Variants in RCOR1 observed in about 807,000 individuals in gnomAD.
RCOR1 encodes the protein REST corepressor 1.
Under a neutral mutation model 64.0 loss-of-function variants are expected in RCOR1, and 12 were observed. The observed-to-expected ratio is 0.19, with a 90% confidence interval of 0.12 to 0.30. RCOR1 has a LOEUF of 0.30. Ranked by LOEUF, RCOR1 falls within the 10% of genes least tolerant of loss-of-function variation. The pLI is 1.00. For synonymous variants in RCOR1, 279 were observed against 227.2 expected (o/e 1.23, Z -2.05); for missense variants, 502 against 621.2 (o/e 0.81, Z 2.04).
chr14:102,640,901 A>AG (rs1372510084), intron 2 of RCOR1, among the ~76,000 whole-genome samples: 1 of 152,138 alleles, frequency 6.6e-6, no homozygotes, highest in Non-Finnish European at 1.5e-5. Context: ...TTGAGGCTGC[A>AG]GTGAACTGCC....
At chr14:102,654,036 A>G (rs1410353233) in intron 2 of RCOR1, among the ~76,000 whole-genome samples, 1 of 125,968 alleles carries the variant, frequency 7.9e-6, no homozygotes, top group Non-Finnish European at 1.6e-5. Context: ...CCCAGGCCGG[A>G]GTGCAGTGGT....
chr14:102,597,989 ATTTTGTATT>A (rs1893300187), intron 2 of RCOR1, among the ~76,000 whole-genome samples: 2 of 151,824 alleles, frequency 1.3e-5, no homozygotes, highest in Non-Finnish European at 2.9e-5. Flanking sequence ...CACCCAGCTA[ATTTTGTATT>A]TTTAGTAGGG....
chr14:102,594,901 C>T (rs1048358059), intron 2 of RCOR1, among the ~76,000 whole-genome samples: 35 of 152,224 alleles, frequency 2.3e-4, no homozygotes, highest in Non-Finnish European at 4.9e-4. Flanking sequence ...TTTTAAAAAT[C>T]GACTTCCACA....
chr14:102,675,047 CA>C (rs761294133), intron 2 of RCOR1, among the ~76,000 whole-genome samples: 8,143 of 63,766 alleles, frequency 0.13, 119 homozygotes, highest in Admixed American at 0.16. Context: ...GACTCCACCT[CA>C]AAAAAAAAAA....
rs916340715 is a variant in RCOR1, at chr14:102,708,135, T to A, written c.661-330T>A. ...CGCCCGCTACCACGCCCGGCTAATT[T>A]TTTGTATTTTTAGTAAAGACAGGAT... On this transcript the variant is annotated intron_variant, in intron 5 of 11. Coordinates refer to ENST00000262241, the MANE Select transcript of RCOR1 (RefSeq NM_015156.4). Among the ~76,000 whole-genome samples the A allele has an allele frequency of 5.9e-5, 9 of 152,098 alleles. No homozygotes were observed. In the East Asian group the frequency reaches 1.7e-3, roughly 29 times the overall value.
At chr14:102,621,014 A>G (rs1013851859) in intron 2 of RCOR1, among the ~76,000 whole-genome samples, 3 of 152,160 alleles carry the variant, frequency 2.0e-5, no homozygotes, top group African/African-American at 7.2e-5. Context: ...CTGGTCACCT[A>G]TTGTTAAATA....
At position 102,647,922 on chromosome 14, in the gene RCOR1, G is replaced by A. The variant is rs558300624; in HGVS notation, c.362-33973G>A. Reference sequence around the variant, plus strand: ...TCAAACTTCTGACCTCAAGTGAGCCGCCTACCTTGTGCTCCCAAAGTGCTG... The same window carrying A: ...TCAAACTTCTGACCTCAAGTGAGCCACCTACCTTGTGCTCCCAAAGTGCTG... On this transcript the variant is annotated intron_variant, in intron 2 of 11. Transcript: ENST00000262241. Among the ~76,000 whole-genome samples, 5 of 152,020 alleles carry A rather than the reference G, an allele frequency of 3.3e-5. No individual in the cohort carries two copies. The East Asian group carries it at 5.8e-4, about 18-fold the overall frequency.
At chr14:102,657,499 C>T in intron 2 of RCOR1, 2 of 983,398 alleles carry the variant, frequency 2.0e-6, no homozygotes, top group Non-Finnish European at 2.4e-6. Context: ...GTTTATTAAT[C>T]TAGTGGAATT....
In RCOR1 at chr14:102,685,130, G is replaced by C. The variant is rs1021232207; in HGVS notation, c.445+3152G>C. On this transcript the variant is annotated intron_variant, in intron 3 of 11. Coordinates refer to ENST00000262241, the MANE Select transcript of RCOR1 (RefSeq NM_015156.4). ...TGGCTGTTCAGAGTTCTGCCTCTTA[G>C]GGTTACTGAAAGCTTATAAAGTTAT... 6.6e-5 allele frequency among the ~76,000 whole-genome samples: 10 copies of C among 151,706 alleles called. No individual in the cohort carries two copies. The South Asian group carries it at 1.2e-3, about 19-fold the overall frequency.
intron 10 of RCOR1, 90 bp downstream of exon 10, chr14:102,721,467 C>T (rs1896167119): frequency 1.1e-6 from 1 of 928,660 alleles, no homozygotes; most frequent in South Asian, 1.5e-5. Context: ...GACGCATTTG[C>T]TTGAGCCCAG....
chr14:102,647,422 T>TG (rs543985136), intron 2 of RCOR1, among the ~76,000 whole-genome samples: 5 of 152,164 alleles, frequency 3.3e-5, no homozygotes, highest in Non-Finnish European at 7.3e-5. Flanking sequence ...GTTCAACCAG[T>TG]TCTCCTGCCT....
intron 2 of RCOR1, among the ~76,000 whole-genome samples, chr14:102,619,166 G>A (rs947313126): frequency 6.6e-5 from 10 of 152,070 alleles, no homozygotes; most frequent in African/African-American, 2.4e-4. Flanking sequence ...TTGTTGCCCA[G>A]GCTGGAGTGC....
chr14:102,643,263 G>T lies in RCOR1; in HGVS notation c.362-38632G>T, dbSNP rs540076885. On this transcript the variant is annotated intron_variant, in intron 2 of 11. Transcript: ENST00000262241. ...CATGCCACTGCACTCCAGCCTGGGC[G>T]ACAGAGCGAGACTCCGTCTCAAAAA... 22 of 803,770 alleles carry T rather than the reference G, an allele frequency of 2.7e-5. No individual in the cohort carries two copies. The South Asian group carries it at 8.6e-4, about 31-fold the overall frequency. 49.8% of individuals were successfully genotyped at this position (803,770 alleles called of 1,614,324 possible). A position where few individuals can be genotyped will look rare whatever the true frequency, so the allele number is the denominator to read the frequency against.
At chr14:102,723,015 C>G (rs1896193213) in intron 11 of RCOR1, among the ~76,000 whole-genome samples, 1 of 152,188 alleles carries the variant, frequency 6.6e-6, no homozygotes, top group Non-Finnish European at 1.5e-5. Flanking sequence ...CTCCCTGCTT[C>G]CTGTGTCAGG....
chr14:102,712,953 T>G lies in RCOR1; in HGVS notation c.859-1470T>G, dbSNP rs991328329. 2.0e-3 allele frequency among the ~76,000 whole-genome samples: 233 copies of G among 114,796 alleles called. 2 individuals are homozygous for G. The highest frequency in any genetic ancestry group is 9.3e-3 in the African/African-American group (224 of 24,036). 75.3% of individuals were successfully genotyped at this position (114,796 alleles called of 152,430 possible). On this transcript the variant is annotated intron_variant, in intron 7 of 11. Coordinates refer to ENST00000262241, the MANE Select transcript of RCOR1 (RefSeq NM_015156.4). ...AGAAAATGGCTAAATCATTGTTTTT[T>G]TTTTTTTTTTTTTTTTTTGGAGATG...
At chr14:102,652,816 A>C (rs1330132149) in intron 2 of RCOR1, among the ~76,000 whole-genome samples, 6 of 152,218 alleles carry the variant, frequency 3.9e-5, no homozygotes, top group Non-Finnish European at 7.3e-5. Context: ...TAACTGTGCA[A>C]ATAAAATGGG....
chr14:102,599,628 G>C lies in RCOR1; in HGVS notation c.361+6303G>C, dbSNP rs1479323719. On this transcript the variant is annotated intron_variant, in intron 2 of 11. Coordinates refer to ENST00000262241, the MANE Select transcript of RCOR1 (RefSeq NM_015156.4). ...TGTCATTGGCTTAACTGTCACTTCAGAGTTGACTTCTGTCAGAAAACTGTG... is the reference window on the plus strand; with the variant it reads ...TGTCATTGGCTTAACTGTCACTTCACAGTTGACTTCTGTCAGAAAACTGTG... 5.9e-5 allele frequency among the ~76,000 whole-genome samples: 9 copies of C among 152,090 alleles called. No homozygotes were observed. In the East Asian group the frequency reaches 1.5e-3, roughly 26 times the overall value.
intron 3 of RCOR1, among the ~76,000 whole-genome samples, chr14:102,682,210 A>G (rs970328853): frequency 5.9e-5 from 9 of 152,242 alleles, no homozygotes; most frequent in Admixed American, 5.2e-4. Context: ...GCTCACTGCA[A>G]TCTCTGCTTC....
intron 8 of RCOR1, among the ~76,000 whole-genome samples, chr14:102,717,133 T>C (rs892678404): frequency 2.0e-5 from 3 of 152,256 alleles, no homozygotes; most frequent in African/African-American, 7.2e-5. Flanking sequence ...GCTATGTAGC[T>C]TATTATTTTA....
Sources: allele counts gnomAD v4.1 joint callset (sites outside exome capture counted in the v4.1 genomes callset), GRCh38; gene constraint gnomAD v4.1.1; transcripts MANE v1.5; gene names NCBI Gene and HGNC (gene_info 2026-07-23, HGNC 2026-07-21).